Variants in MAEA observed in about 807,000 individuals in gnomAD.
The protein encoded by MAEA is macrophage erythroblast attacher, E3 ubiquitin ligase.
In MAEA, 22 loss-of-function variants were observed where a neutral mutation model predicts 46.2. That is an observed-to-expected ratio of 0.48 (90% CI 0.34 to 0.68). MAEA has a LOEUF of 0.68. MAEA is among the 30% of genes least tolerant of loss of function. MAEA has a pLI of 0.01. For synonymous variants in MAEA, 246 were observed against 222.6 expected (o/e 1.11, Z -0.94); for missense variants, 393 against 558.1 (o/e 0.70, Z 2.98).
At position 1,311,845 on chromosome 4, in the gene MAEA, A is replaced by G. The variant is rs755915403; in HGVS notation, c.70-134A>G. 3.9e-5 allele frequency: 29 copies of G among 747,692 alleles called. No homozygotes were observed. The highest frequency in any genetic ancestry group is 5.9e-5 in the Non-Finnish European group (27 of 457,322). The allele number at this position is 747,692 out of a possible 1,614,324, so 46.3% of individuals were successfully genotyped here. ...GTCTTGGTTGAGGTTTAGAGTAGAT[A>G]CTTTTGAGACCATGAACCTTCTGAG... On this transcript the variant is annotated intron_variant, in intron 1 of 8. Coordinates refer to ENST00000303400, the MANE Select transcript of MAEA (RefSeq NM_001017405.3). The surrounding 1 kb of genome is among the most constrained non-coding windows in gnomAD (Gnocchi z 4.4).
chr4:1,335,286 C>T (rs1712596627), intron 6 of MAEA: 3 of 985,474 alleles, frequency 3.0e-6, no homozygotes, highest in Non-Finnish European at 3.6e-6. Flanking sequence ...ACTGAGCTGT[C>T]CTTCCAGCTG....
At chr4:1,316,330 G>C (rs1318025681) in intron 3 of MAEA, among the ~76,000 whole-genome samples, 1 of 126,416 alleles carries the variant, frequency 7.9e-6, no homozygotes, top group Non-Finnish European at 1.5e-5. Flanking sequence ...CCACTGCTGT[G>C]GGGGCCCATG....
rs1282888586 is a variant in MAEA, at chr4:1,334,122, C to CCGTGTGCT, written c.765+1258_765+1259insGTGTGCTC. Among the ~76,000 whole-genome samples, 2 of 43,694 alleles carry CCGTGTGCT rather than the reference C, an allele frequency of 4.6e-5. 1 individual carries two copies. Among genetic ancestry groups the CCGTGTGCT allele is most frequent in the South Asian group, 1.7e-3 (2 of 1,208 alleles). The allele number at this position is 43,694 out of a possible 152,430, so 28.7% of individuals were successfully genotyped here. On this transcript the variant is annotated intron_variant, in intron 6 of 8. Transcript: ENST00000303400. ...ATGCCTACCGTGCTCACCCCCATGC[C>CCGTGTGCT]CACCCCATGCCCACCATGTGCTCAC...
chr4:1,323,234 C>T (rs561854128), intron 4 of MAEA, among the ~76,000 whole-genome samples: 32 of 152,210 alleles, frequency 2.1e-4, no homozygotes, highest in Admixed American at 1.7e-3. Context: ...CGTGAGCCAC[C>T]GTGCCCGGCC....
At chr4:1,309,628 C>A in intron 1 of MAEA, 2 of 1,528,280 alleles carry the variant, frequency 1.3e-6, no homozygotes, top group Non-Finnish European at 1.7e-6. Context: ...CGTGGGAGGC[C>A]TGAGGAGTAA....
intron 3 of MAEA, among the ~76,000 whole-genome samples, chr4:1,320,848 C>G (rs1011138787): frequency 6.6e-6 from 1 of 151,350 alleles, no homozygotes; most frequent in African/African-American, 2.4e-5. Context: ...CGCCTGTAAT[C>G]CCAGCACTCT....
chr4:1,336,576 A>G (rs1419786152), intron 6 of MAEA, among the ~76,000 whole-genome samples: 1 of 151,854 alleles, frequency 6.6e-6, no homozygotes, highest in Non-Finnish European at 1.5e-5. Flanking sequence ...TTGAAATCAG[A>G]GAGTTAAGTC....
At chr4:1,327,394 C>T (rs1239364894) in intron 4 of MAEA, among the ~76,000 whole-genome samples, 2 of 152,230 alleles carry the variant, frequency 1.3e-5, no homozygotes, top group Admixed American at 6.5e-5. Context: ...CACGCCCCAC[C>T]GCAGCTGCAG....
intron 1 of MAEA, among the ~76,000 whole-genome samples, chr4:1,306,338 C>T (rs1270375628): frequency 1.3e-5 from 2 of 152,166 alleles, no homozygotes; most frequent in Admixed American, 6.5e-5. Context: ...CCTGTTCAAA[C>T]CTTTTCCCCA....
rs80040593 is a variant in MAEA, at chr4:1,339,244, C to T, written c.*75C>T. ...GAGGCCACGCCTTCCTCCTGTCCCA[C>T]GCTCCAGCCTGCCGCGGCGTTTCTG... On this transcript the variant is annotated 3_prime_UTR_variant, in exon 9 of 9. Transcript: ENST00000303400. 3.6e-3 allele frequency: 3,842 copies of T among 1,068,942 alleles called. 110 individuals carry two copies. In the African/African-American group the frequency reaches 0.051, roughly 14 times the overall value. 66.2% of individuals were successfully genotyped at this position (1,068,942 alleles called of 1,614,324 possible).
At chr4:1,308,649 C>T (rs1208660392) in intron 1 of MAEA, among the ~76,000 whole-genome samples, 1 of 152,258 alleles carries the variant, frequency 6.6e-6, no homozygotes, top group African/African-American at 2.4e-5. Flanking sequence ...GCACTTGTGT[C>T]TCCTGAGCAG....
At chr4:1,294,496 C>T (rs1327525600) in intron 1 of MAEA, among the ~76,000 whole-genome samples, 3 of 152,120 alleles carry the variant, frequency 2.0e-5, no homozygotes, top group East Asian at 1.9e-4. Flanking sequence ...GCAGTACTGA[C>T]GTGAGGCCTG....
chr4:1,333,058 G>C (rs1300107198), intron 6 of MAEA, among the ~76,000 whole-genome samples, 193 bp downstream of exon 6: 1 of 152,202 alleles, frequency 6.6e-6, no homozygotes, highest in Non-Finnish European at 1.5e-5. Context: ...AATCAGGGCT[G>C]TGTGTGGTGG....
chr4:1,318,627 A>G (rs1029259142), intron 3 of MAEA, among the ~76,000 whole-genome samples: 1 of 152,084 alleles, frequency 6.6e-6, no homozygotes, highest in African/African-American at 2.4e-5. Flanking sequence ...GAGCTGAGGA[A>G]TCGCTTTTGA....
At position 1,300,802 on chromosome 4, in the gene MAEA, A is replaced by G. The variant is rs73796073; in HGVS notation, c.69+10820A>G. On this transcript the variant is annotated intron_variant, in intron 1 of 8. Transcript: ENST00000303400. The stretch of plus-strand genomic sequence containing the variant: ...GCGAGCTTTGTAGGGCGCAACATCA[A>G]TCTGGTTACATCCCCTCAGAAGTTG... Among the ~76,000 whole-genome samples the G allele has an allele frequency of 3.0e-3, 461 of 152,376 alleles. 5 individuals carry two copies. The highest frequency in any genetic ancestry group is 0.011 in the African/African-American group (447 of 41,590).
intron 5 of MAEA, chr4:1,328,666 C>T: frequency 7.8e-7 from 1 of 1,279,036 alleles, no homozygotes. Context: ...CACAGAAGGC[C>T]CATTTGGAGA....
At chr4:1,309,879 G>C in intron 1 of MAEA, 1 of 1,310,144 alleles carries the variant, frequency 7.6e-7, no homozygotes, top group South Asian at 2.3e-5. Flanking sequence ...CGGTGAGGCG[G>C]ACGGCCCGGC....
At chr4:1,322,943 C>CTTTTT (rs60692981) in intron 4 of MAEA, among the ~76,000 whole-genome samples, 13 of 75,266 alleles carry the variant, frequency 1.7e-4, no homozygotes, top group East Asian at 4.4e-4. Context: ...TGAATACCCA[C>CTTTTT]TTTTTTTTTT....
chr4:1,320,428 G>GA (rs1560364458), intron 3 of MAEA, among the ~76,000 whole-genome samples: 1 of 147,490 alleles, frequency 6.8e-6, no homozygotes. Flanking sequence ...AGGGGCTTTA[G>GA]AAAGAAATTA....
Sources: allele counts gnomAD v4.1 joint callset (sites outside exome capture counted in the v4.1 genomes callset), GRCh38; gene constraint gnomAD v4.1.1; non-coding constraint Gnocchi (gnomAD v3.1); transcripts MANE v1.5; gene names NCBI Gene and HGNC (gene_info 2026-07-23, HGNC 2026-07-21).